The following SEMA6A variants were observed in gnomAD, a reference collection of about 807,000 sequenced individuals.
SEMA6A encodes the protein semaphorin-6A.
A neutral mutation model predicts 96.8 loss-of-function variants in SEMA6A; 25 were observed. That is an observed-to-expected ratio of 0.26 (90% confidence interval 0.19 to 0.36). The LOEUF (loss-of-function observed/expected upper bound fraction) is 0.36. Ranked by LOEUF, SEMA6A falls within the 10% of genes least tolerant of loss-of-function variation. The pLI, the probability that SEMA6A is intolerant of heterozygous loss-of-function variation, is 1.00. For missense variants in SEMA6A, 1,363 were observed against 1,323.1 expected (o/e 1.03, Z -0.47); for synonymous variants, 612 against 518.0 (o/e 1.18, Z -2.46).
intron 12 of SEMA6A, among the ~76,000 whole-genome samples, chr5:116,479,350 G>A (rs1756635254): frequency 6.6e-6 from 1 of 152,136 alleles, no homozygotes; most frequent in African/African-American, 2.4e-5. Context: ...ACACTCCATG[G>A]GGACCTAGTT....
At chr5:116,454,970 C>G (rs1754915205) in intron 18 of SEMA6A, among the ~76,000 whole-genome samples, 1 of 152,094 alleles carries the variant, frequency 6.6e-6, no homozygotes, top group Non-Finnish European at 1.5e-5. Flanking sequence ...GTCCTGAATT[C>G]AGAAGCTATT....
At chr5:116,570,571 CT>C (rs1761172808) in intron 1 of SEMA6A, among the ~76,000 whole-genome samples, 1 of 152,318 alleles carries the variant, frequency 6.6e-6, no homozygotes, top group African/African-American at 2.4e-5. Context: ...ATGGCAGATG[CT>C]TAATTAAAGC....
At chr5:116,535,069 T>C (rs1759650034) in intron 1 of SEMA6A, among the ~76,000 whole-genome samples, 1 of 152,176 alleles carries the variant, frequency 6.6e-6, no homozygotes, top group Non-Finnish European at 1.5e-5. Flanking sequence ...TTGCAGGAAA[T>C]ACACAAACAT....
intron 18 of SEMA6A, among the ~76,000 whole-genome samples, chr5:116,464,861 G>C (rs747159087): frequency 2.6e-5 from 4 of 152,192 alleles, no homozygotes; most frequent in Non-Finnish European, 4.4e-5. Context: ...CTGCAGAGTA[G>C]AGCCATGGGC....
At chr5:116,462,291 T>C (rs1003941720) in intron 18 of SEMA6A, among the ~76,000 whole-genome samples, 1 of 152,152 alleles carries the variant, frequency 6.6e-6, no homozygotes, top group African/African-American at 2.4e-5. Flanking sequence ...GAACTTAGAA[T>C]AGGTAAAGTT....
intron 1 of SEMA6A, among the ~76,000 whole-genome samples, chr5:116,529,199 G>A (rs1362032150): frequency 2.0e-5 from 3 of 152,156 alleles, no homozygotes; most frequent in African/African-American, 7.2e-5. Context: ...AGTATTTTGA[G>A]ACACAGCTAT....
Position 116,504,990 on chromosome 5 carries a change from A to G in SEMA6A, c.-38-8T>C, listed in dbSNP as rs943249541. The G allele has an allele frequency of 2.2e-6, 3 of 1,347,250 alleles. No individual in the cohort carries two copies. In the African/African-American group the frequency reaches 4.4e-5, roughly 20 times the overall value. 83.5% of individuals were successfully genotyped at this position (1,347,250 alleles called of 1,614,324 possible). A position where few individuals can be genotyped will look rare whatever the true frequency, so the allele number is the denominator to read the frequency against. On this transcript the variant is annotated splice_polypyrimidine_tract_variant and splice_region_variant and intron_variant, in intron 1 of 18. Transcript: ENST00000343348. ...TTATTTCTCTACTTCACCCTGCCAA[A>G]AAGTAAAGAACAGATTTTTTTCCAA...
At chr5:116,535,346 C>T (rs759870642) in intron 1 of SEMA6A, among the ~76,000 whole-genome samples, 1 of 152,204 alleles carries the variant, frequency 6.6e-6, no homozygotes, top group Non-Finnish European at 1.5e-5. Context: ...ATTGTGTTTG[C>T]AGCTGGTTAG....
chr5:116,507,495 G>A (rs1580451937), intron 1 of SEMA6A, among the ~76,000 whole-genome samples: 1 of 152,138 alleles, frequency 6.6e-6, no homozygotes, highest in African/African-American at 2.4e-5. Flanking sequence ...CACCAGCCCA[G>A]GAGAACAAAA....
chr5:116,563,106 T>C (rs1760885951), intron 1 of SEMA6A, among the ~76,000 whole-genome samples: 2 of 152,180 alleles, frequency 1.3e-5, no homozygotes, highest in Admixed American at 6.5e-5. Flanking sequence ...TATTCCCTAG[T>C]TGCTATGTTT....
At chr5:116,487,487 A>C (rs1166833187) in intron 9 of SEMA6A, among the ~76,000 whole-genome samples, 4 of 152,168 alleles carry the variant, frequency 2.6e-5, no homozygotes, top group Non-Finnish European at 4.4e-5. Flanking sequence ...AAGATACTGC[A>C]TAGTTACAGT....
rs979527105 is a variant in SEMA6A, at chr5:116,444,519, A to C, written c.*2094T>G. The C allele has an allele frequency of 3.9e-5, 6 of 152,594 alleles. No individual in the cohort carries two copies. Among genetic ancestry groups the C allele is most frequent in the African/African-American group, 1.2e-4 (5 of 41,442 alleles). The allele number at this position is 152,594 out of a possible 1,614,324, so 9.5% of individuals were successfully genotyped here. A position where few individuals can be genotyped will look rare whatever the true frequency, so the allele number is the denominator to read the frequency against. On this transcript the variant is annotated 3_prime_UTR_variant, in exon 19 of 19. Coordinates refer to ENST00000343348, the MANE Select transcript of SEMA6A (RefSeq NM_020796.5). ...TATACTGTTTAAAAAAACAACAACA[A>C]CACTGCTCATGGTTTACAGTATGTG...
intron 8 of SEMA6A, among the ~76,000 whole-genome samples, chr5:116,488,407 C>A (rs1757168995): frequency 6.6e-6 from 1 of 152,204 alleles, no homozygotes; most frequent in South Asian, 2.1e-4. Context: ...AGAAGCTTTG[C>A]AATCAACAAT....
chr5:116,488,059 G>T (rs1398929847), intron 9 of SEMA6A, 49 bp downstream of exon 9: 4 of 1,213,322 alleles, frequency 3.3e-6, no homozygotes, highest in Admixed American at 3.8e-5. Flanking sequence ...CAAAGGTGTG[G>T]GTTTCTGAAA....
intron 1 of SEMA6A, among the ~76,000 whole-genome samples, chr5:116,533,134 G>A (rs184048990): frequency 8.5e-5 from 13 of 152,278 alleles, no homozygotes; most frequent in Non-Finnish European, 1.8e-4. Context: ...ACTATGCAAA[G>A]CTTTGAGTTA....
At chr5:116,528,240 A>T (rs1307389160) in intron 1 of SEMA6A, among the ~76,000 whole-genome samples, 2 of 152,204 alleles carry the variant, frequency 1.3e-5, no homozygotes, top group African/African-American at 4.8e-5. Flanking sequence ...CATTCATTGA[A>T]ACTAAAAGTA....
At chr5:116,470,618 G>C (rs148821011) in intron 17 of SEMA6A, among the ~76,000 whole-genome samples, 10 of 152,146 alleles carry the variant, frequency 6.6e-5, no homozygotes, top group South Asian at 2.1e-4. Context: ...GAGAGGAAGA[G>C]AGAAGGAAAA....
At chr5:116,464,236 G>A (rs1755588892) in intron 18 of SEMA6A, among the ~76,000 whole-genome samples, 2 of 152,154 alleles carry the variant, frequency 1.3e-5, no homozygotes, top group Admixed American at 1.3e-4. Flanking sequence ...CAAGACAGAA[G>A]TAGTCAGGGC....
At chr5:116,516,806 G>A (rs1477689303) in intron 1 of SEMA6A, among the ~76,000 whole-genome samples, 7 of 152,108 alleles carry the variant, frequency 4.6e-5, no homozygotes, top group Admixed American at 2.0e-4. Context: ...TAAATTCTAC[G>A]AAATTATAGG....
Sources: gnomAD v4.1 joint callset for allele counts (sites outside exome capture counted in the v4.1 genomes callset) on GRCh38, gnomAD v4.1.1 for gene constraint, MANE v1.5 for transcripts, NCBI Gene and HGNC (gene_info 2026-07-23, HGNC 2026-07-21) for gene names.